The following TAS2R1 variants were observed in gnomAD, a reference collection of about 807,000 sequenced individuals.
The protein encoded by TAS2R1 is taste 2 receptor member 1, also known as taste receptor type 2 member 1.
For missense variants in TAS2R1, 370 were observed against 353.4 expected (o/e 1.05, Z -0.38); for synonymous variants, 141 against 134.2 (o/e 1.05, Z -0.35).
chr5:9,688,118 A>G (rs1431135573), intron 1 of TAS2R1, among the ~76,000 whole-genome samples: 3 of 152,234 alleles, frequency 2.0e-5, no homozygotes, highest in Non-Finnish European at 2.9e-5. Flanking sequence ...GTCCTAACGC[A>G]TATGACATAT....
At chr5:9,849,000 G>A in the TAS2R1 span, among the ~76,000 whole-genome samples, 11 of 152,150 alleles carry the variant, frequency 7.2e-5, no homozygotes, top group South Asian at 4.1e-4. Context: ...AGAAGAATAC[G>A]TTTCCTTGCC....
At chr5:9,699,447 A>G (rs938480432) in intron 1 of TAS2R1, among the ~76,000 whole-genome samples, 10 of 151,872 alleles carry the variant, frequency 6.6e-5, no homozygotes, top group Admixed American at 1.3e-4. Flanking sequence ...ATACACTTCT[A>G]TTTTATTACT....
At chr5:9,811,435 T>A in the TAS2R1 span, among the ~76,000 whole-genome samples, 1 of 152,182 alleles carries the variant, frequency 6.6e-6, no homozygotes, top group South Asian at 2.1e-4. Context: ...GAAGTGGGCA[T>A]CCCCTGCCCC....
rs76355389 is a variant in TAS2R1 at position 9,642,946 on chromosome 5, C to T, written c.-80-12954G>A. The stretch of plus-strand genomic sequence containing the variant: ...TCCTTCCTTGCTTCTTCCCTCCCTC[C>T]TTCTCTCTTTCTTTCCCTTCTTTCC... On this transcript the variant is annotated intron_variant, in intron 2 of 2. Coordinates refer to the TAS2R1 transcript ENST00000506620. 7.1e-3 allele frequency among the ~76,000 whole-genome samples: 1,085 copies of T among 151,910 alleles called. 7 individuals carry two copies. The highest frequency in any genetic ancestry group is 0.024 in the African/African-American group (1,001 of 41,396).
chr5:9,638,253 T>C (rs2040838553), intron 2 of TAS2R1, among the ~76,000 whole-genome samples: 2 of 152,346 alleles, frequency 1.3e-5, no homozygotes, highest in Middle Eastern at 6.8e-3. Flanking sequence ...TCAGGGGATG[T>C]CTGCAAAGAG....
At chr5:9,645,769 G>A (rs938830397) in intron 2 of TAS2R1, 2 of 152,212 alleles carry the variant, frequency 1.3e-5, no homozygotes, top group South Asian at 4.1e-4. Context: ...TTGCCACCAT[G>A]AGAGAAGGAC....
At chr5:9,709,535 A>G (rs865837397) in intron 1 of TAS2R1, among the ~76,000 whole-genome samples, 4 of 152,280 alleles carry the variant, frequency 2.6e-5, no homozygotes, top group Non-Finnish European at 2.9e-5. Context: ...CCAAAAGAAC[A>G]TGGCAGAAGT....
the TAS2R1 span, among the ~76,000 whole-genome samples, chr5:9,731,666 T>C: frequency 6.6e-6 from 1 of 152,248 alleles, no homozygotes; most frequent in African/African-American, 2.4e-5. Context: ...TTCCCATTCT[T>C]CTGGAAAGTA....
At chr5:9,694,719 T>A (rs1332623319) in intron 1 of TAS2R1, among the ~76,000 whole-genome samples, 1 of 152,112 alleles carries the variant, frequency 6.6e-6, no homozygotes, top group Non-Finnish European at 1.5e-5. Flanking sequence ...CATTGAGGAG[T>A]TTGGTATGAA....
At chr5:9,683,605 C>A (rs1014709483) in intron 1 of TAS2R1, among the ~76,000 whole-genome samples, 12 of 152,220 alleles carry the variant, frequency 7.9e-5, no homozygotes, top group Admixed American at 4.6e-4. Context: ...TGGCCATACA[C>A]CTCTAGCTAG....
At chr5:9,790,969 A>T in the TAS2R1 span, among the ~76,000 whole-genome samples, 1 of 152,150 alleles carries the variant, frequency 6.6e-6, no homozygotes, top group Non-Finnish European at 1.5e-5. Context: ...ATCAGCTCTT[A>T]AATGCTCTGC....
the TAS2R1 span, among the ~76,000 whole-genome samples, chr5:9,850,934 A>C: frequency 6.6e-6 from 1 of 152,212 alleles, no homozygotes; most frequent in African/African-American, 2.4e-5. Context: ...GGAGAATGAG[A>C]AAGAGCTGAA....
chr5:9,843,773 T>C, the TAS2R1 span, among the ~76,000 whole-genome samples: 3,970 of 152,300 alleles, frequency 0.026, 58 homozygotes, highest in Non-Finnish European at 0.04. Context: ...CACAGTTTAG[T>C]TAAGTTCTCT....
chr5:9,836,151 G>A, the TAS2R1 span, among the ~76,000 whole-genome samples: 1 of 151,930 alleles, frequency 6.6e-6, no homozygotes, highest in South Asian at 2.1e-4. Context: ...TCTCTTGTCT[G>A]CCACCATGTG....
upstream of TAS2R1, among the ~76,000 whole-genome samples, chr5:9,715,105 G>A (rs1025916978): frequency 6.6e-6 from 1 of 152,224 alleles, no homozygotes; most frequent in African/African-American, 2.4e-5. Context: ...CACTTCAAGA[G>A]GGAGAGATTG....
At chr5:9,791,876 T>C in the TAS2R1 span, among the ~76,000 whole-genome samples, 1 of 152,160 alleles carries the variant, frequency 6.6e-6, no homozygotes, top group Admixed American at 6.5e-5. Context: ...ATTTGTGAAC[T>C]AGAAACAGAG....
At chr5:9,707,321 C>A (rs999148483) in intron 1 of TAS2R1, among the ~76,000 whole-genome samples, 3 of 152,178 alleles carry the variant, frequency 2.0e-5, no homozygotes, top group South Asian at 2.1e-4. Flanking sequence ...ACATGGCAGA[C>A]CCTCAGGAGG....
the TAS2R1 span, among the ~76,000 whole-genome samples, chr5:9,813,066 G>C: frequency 6.6e-6 from 1 of 152,040 alleles, no homozygotes. Context: ...TCTTTATAGA[G>C]GTAATCAAGT....
chr5:9,763,693 A>G, the TAS2R1 span, among the ~76,000 whole-genome samples: 2 of 152,186 alleles, frequency 1.3e-5, no homozygotes, highest in South Asian at 4.1e-4. Flanking sequence ...AAAAGCGAGA[A>G]TCGGAAGAAC....
Sources: gnomAD v4.1 joint callset for allele counts (sites outside exome capture counted in the v4.1 genomes callset) on GRCh38, gnomAD v4.1.1 for gene constraint, MANE v1.5 for transcripts, NCBI Gene and HGNC (gene_info 2026-07-23, HGNC 2026-07-21) for gene names.